Variants in MECOM observed in about 807,000 individuals in gnomAD.
MECOM encodes the protein histone-lysine N-methyltransferase MECOM.
Under a neutral mutation model 116.3 loss-of-function variants are expected in MECOM, and 13 were observed. That is an observed-to-expected ratio of 0.11 (90% CI 0.07 to 0.18). The LOEUF (loss-of-function observed/expected upper bound fraction) is 0.18, where lower values mean the gene tolerates loss of function less well. MECOM is among the 10% of genes least tolerant of loss of function. The pLI is 1.00. For missense variants in MECOM, 1,299 were observed against 1,509.0 expected, an observed-to-expected ratio of 0.86 and a Z score of 2.31; for synonymous variants, 528 against 535.2, an observed-to-expected ratio of 0.99 and a Z score of 0.19.
At chr3:169,303,137 G>A (rs775038173) in intron 2 of MECOM, among the ~76,000 whole-genome samples, 4 of 152,094 alleles carry the variant, frequency 2.6e-5, no homozygotes, top group Non-Finnish European at 5.9e-5. Context: ...GAATTCTTTG[G>A]ATTTTCACTA....
chr3:169,381,067 T>TA, intron 2 of MECOM, 120 bp downstream of exon 2: 1 of 904,966 alleles, frequency 1.1e-6, no homozygotes, highest in Non-Finnish European at 1.6e-6. Flanking sequence ...AGTTTATTCT[T>TA]AAAAACCTGT....
At chr3:169,328,597 A>C (rs1722233210) in intron 2 of MECOM, among the ~76,000 whole-genome samples, 2 of 152,240 alleles carry the variant, frequency 1.3e-5, no homozygotes, top group African/African-American at 4.8e-5. Flanking sequence ...ATGTCTATGA[A>C]TGTATAGTGT....
intron 1 of MECOM, among the ~76,000 whole-genome samples, chr3:169,436,245 C>CTTTTTTTTTTTT: frequency 1.1e-5 from 1 of 93,652 alleles, no homozygotes; most frequent in Non-Finnish European, 2.0e-5. Flanking sequence ...GGCTAAATCG[C>CTTTTTTTTTTTT]TTTTTTTTTT....
In MECOM at chr3:169,115,844, T is replaced by A; in HGVS notation, c.2028A>T (p.Thr676=). 8 of 1,614,104 alleles carry A rather than the reference T, an allele frequency of 5.0e-6. No homozygotes were observed. The highest frequency in any genetic ancestry group is 6.8e-6 in the Non-Finnish European group (8 of 1,180,040). Residue 676 remains threonine (T), a synonymous_variant, in exon 8 of 17, where the codon ACA becomes ACT. Coordinates refer to ENST00000651503, the MANE Select transcript of MECOM (RefSeq NM_004991.4). ...TTTTGTCTTGCAGCCCCACCAGTCC[T>A]GTTGAACCAAAGTATTTTTCAGCAA... ...ASIAEKYFGS[T]GLVGLQDKKV...
intron 10 of MECOM, among the ~76,000 whole-genome samples, chr3:169,105,646 C>T (rs537590783): frequency 6.6e-6 from 1 of 151,994 alleles, no homozygotes; most frequent in East Asian, 1.9e-4. Context: ...ACCCTGTGAT[C>T]CATTAATGTC....
At chr3:169,109,794 T>C (rs73167909) in intron 9 of MECOM, among the ~76,000 whole-genome samples, 9,592 of 152,276 alleles carry the variant, frequency 0.063, 448 homozygotes, top group South Asian at 0.2. Flanking sequence ...AATCTTTCAA[T>C]AAAATTCAAT....
At chr3:169,351,875 A>G (rs1212796734) in intron 2 of MECOM, among the ~76,000 whole-genome samples, 2 of 151,788 alleles carry the variant, frequency 1.3e-5, no homozygotes, top group East Asian at 3.9e-4. Flanking sequence ...AATTTTCCTT[A>G]TCCCTTCAAT....
At chr3:169,544,432 T>A (rs555001754) in intron 1 of MECOM, among the ~76,000 whole-genome samples, 1 of 152,244 alleles carries the variant, frequency 6.6e-6, no homozygotes, top group Non-Finnish European at 1.5e-5. Context: ...CTTTGAGGAA[T>A]CGCCACACTG....
intron 2 of MECOM, among the ~76,000 whole-genome samples, chr3:169,176,677 G>A (rs1419838180): frequency 2.0e-5 from 3 of 152,046 alleles, no homozygotes; most frequent in East Asian, 1.9e-4. Flanking sequence ...AGAGTGAACA[G>A]GCAACCTACA....
At chr3:169,274,453 G>A (rs757698389) in intron 2 of MECOM, among the ~76,000 whole-genome samples, 2 of 152,122 alleles carry the variant, frequency 1.3e-5, no homozygotes, top group Non-Finnish European at 2.9e-5. Context: ...ATACCTACTA[G>A]CTGAATGTAG....
chr3:169,227,389 T>C (rs912953762), intron 2 of MECOM, among the ~76,000 whole-genome samples: 2 of 152,206 alleles, frequency 1.3e-5, no homozygotes, highest in Non-Finnish European at 2.9e-5. Context: ...TCCTACCTGT[T>C]GTAATTTTGG....
At chr3:169,524,935 T>C (rs1485519506) in intron 1 of MECOM, among the ~76,000 whole-genome samples, 4 of 151,950 alleles carry the variant, frequency 2.6e-5, no homozygotes, top group Non-Finnish European at 5.9e-5. Flanking sequence ...GAAGAACTCT[T>C]AGGTTAGAAA....
intron 2 of MECOM, among the ~76,000 whole-genome samples, chr3:169,334,350 C>T (rs978119320): frequency 1.2e-4 from 19 of 152,250 alleles, no homozygotes; most frequent in Middle Eastern, 3.4e-3. Context: ...ATGCAAAATA[C>T]GGTGAAGCAC....
intron 2 of MECOM, among the ~76,000 whole-genome samples, chr3:169,332,675 T>C (rs1336430330): frequency 6.6e-6 from 1 of 152,186 alleles, no homozygotes; most frequent in Non-Finnish European, 1.5e-5. Context: ...TCATGTGAAT[T>C]TGCATTCATG....
chr3:169,312,365 ATTT>A (rs367932449), intron 2 of MECOM, among the ~76,000 whole-genome samples: 3 of 118,456 alleles, frequency 2.5e-5, no homozygotes, highest in Non-Finnish European at 1.7e-5. Context: ...AATGACTGCA[ATTT>A]TTTTTTTTTT....
chr3:169,384,095 T>A (rs1732907713), intron 1 of MECOM, among the ~76,000 whole-genome samples: 1 of 152,172 alleles, frequency 6.6e-6, no homozygotes, highest in Non-Finnish European at 1.5e-5. Context: ...CATTCCCAAG[T>A]AGGAAATAGG....
chr3:169,205,994 G>A (rs1749871331), intron 2 of MECOM, among the ~76,000 whole-genome samples: 1 of 152,128 alleles, frequency 6.6e-6, no homozygotes, highest in Non-Finnish European at 1.5e-5. Context: ...GAAACAACTT[G>A]CTGGGGCTGA....
At chr3:169,320,116 A>G (rs941377620) in intron 2 of MECOM, among the ~76,000 whole-genome samples, 1 of 152,340 alleles carries the variant, frequency 6.6e-6, no homozygotes, top group South Asian at 2.1e-4. Context: ...ACGTGTGACG[A>G]TGAAGGGAAG....
chr3:169,458,357 G>T (rs1371340756), intron 1 of MECOM, among the ~76,000 whole-genome samples: 1 of 152,180 alleles, frequency 6.6e-6, no homozygotes, highest in African/African-American at 2.4e-5. Flanking sequence ...ACAGAGAGCT[G>T]TGGTGCTTAT....
Sources: gnomAD v4.1 joint callset for allele counts (sites outside exome capture counted in the v4.1 genomes callset) on GRCh38, gnomAD v4.1.1 for gene constraint, MANE v1.5 for transcripts, NCBI Gene and HGNC (gene_info 2026-07-23, HGNC 2026-07-21) for gene names.